Variants in ZNF587 observed in about 807,000 individuals in gnomAD.
ZNF587 encodes zinc finger protein 587, also known as zinc finger protein zfp6.
A neutral mutation model predicts 7.5 loss-of-function variants in ZNF587; 8 were observed. The observed-to-expected ratio is 1.06, with a 90% CI of 0.62 to 1.92. ZNF587 has a LOEUF of 1.92. Among genes scored for constraint, ZNF587 ranks in the 40% most tolerant of loss-of-function variants. The pLI, the probability that ZNF587 is intolerant of heterozygous loss-of-function variation, is 0.00. For missense variants in ZNF587, 468 were observed against 692.8 expected (o/e 0.68, Z 3.64); for synonymous variants, 145 against 237.8 (o/e 0.61, Z 3.59).
rs138941470 is a variant in ZNF587 at position 57,859,972 on chromosome 19, T to A, written c.1560T>A (p.Tyr520Ter). 6 of 1,614,034 alleles carry A rather than the reference T, an allele frequency of 3.7e-6. No individual in the cohort carries two copies. The East Asian group carries it at 1.3e-4, about 36-fold the overall frequency. ...HKRVHSGQKP[Y>*]KCSECGKSFS... The stretch of plus-strand genomic sequence containing the variant: ...GAGTTCATTCTGGACAAAAGCCTTA[T>A]AAGTGCAGTGAATGTGGAAAATCCT... Residue 520 changes from tyrosine to a stop codon, truncating the protein, a stop_gained, in exon 3 of 3, where the codon TAT becomes TAA. Coordinates refer to ENST00000339656, the MANE Select transcript of ZNF587 (RefSeq NM_032828.4). LOFTEE classifies it low-confidence loss of function (END_TRUNC).
At position 57,861,982 on chromosome 19, in the gene ZNF587, C is replaced by G. The variant is rs1168511619; in HGVS notation, c.*1842C>G. ...AGAGATGGGGTTTCACCATGTTACCCAGGCTGCTCTCTACCTTCTGAGCTC... is the reference window on the plus strand; with the variant it reads ...AGAGATGGGGTTTCACCATGTTACCGAGGCTGCTCTCTACCTTCTGAGCTC... On this transcript the variant is annotated 3_prime_UTR_variant, in exon 3 of 3. Transcript: ENST00000339656. 1 of 151,996 alleles carries G rather than the reference C, an allele frequency of 6.6e-6. No homozygotes were observed. Among genetic ancestry groups the G allele is most frequent in the African/African-American group, 2.4e-5 (1 of 41,366 alleles). 9.4% of individuals were successfully genotyped at this position (151,996 alleles called of 1,614,324 possible). A position where few individuals can be genotyped will look rare whatever the true frequency, so the allele number is the denominator to read the frequency against.
intron 1 of ZNF587, 193 bp downstream of exon 1, chr19:57,850,264 T>G: frequency 1.1e-6 from 1 of 894,666 alleles, no homozygotes; most frequent in Non-Finnish European, 1.7e-6. Flanking sequence ...AGCCGATTTA[T>G]GAAGACTGGG....
rs751870502 is a variant in ZNF587 at position 57,862,559 on chromosome 19, C to G, written c.*2419C>G. On this transcript the variant is annotated 3_prime_UTR_variant, in exon 3 of 3. Transcript: ENST00000339656. The stretch of plus-strand genomic sequence containing the variant: ...GCACTTTCTGCTGAAATGGCAGTTT[C>G]TTCTCAGCAAGGTGAGATTATGGAA... 9 of 154,932 alleles carry G rather than the reference C, an allele frequency of 5.8e-5. No individual in the cohort carries two copies. The East Asian group carries it at 1.3e-3, about 23-fold the overall frequency. 9.6% of individuals were successfully genotyped at this position (154,932 alleles called of 1,614,324 possible).
intron 1 of ZNF587, among the ~76,000 whole-genome samples, chr19:57,855,184 A>G (rs973301243): frequency 1.4e-5 from 2 of 142,438 alleles, no homozygotes; most frequent in African/African-American, 5.5e-5. Flanking sequence ...ACTCCGTCTC[A>G]AAAAAAAAAA....
intron 1 of ZNF587, chr19:57,850,756 G>C (rs1296203932): frequency 5.1e-6 from 2 of 394,086 alleles, no homozygotes; most frequent in Non-Finnish European, 8.9e-6. Flanking sequence ...CAGTTTATTG[G>C]TTTACAAGCT....
At chr19:57,852,685 G>T (rs191732659) in intron 1 of ZNF587, among the ~76,000 whole-genome samples, 4 of 151,762 alleles carry the variant, frequency 2.6e-5, no homozygotes, top group Non-Finnish European at 4.4e-5. Flanking sequence ...CCACCATCAT[G>T]CCCAGCTAAT....
chr19:57,854,630 G>C (rs1179363475), intron 1 of ZNF587, among the ~76,000 whole-genome samples: 2 of 151,670 alleles, frequency 1.3e-5, no homozygotes, highest in African/African-American at 4.9e-5. Context: ...GTTCCAGGTT[G>C]TTATATTTTG....
At chr19:57,856,447 A>T (rs1434410729) in intron 2 of ZNF587, among the ~76,000 whole-genome samples, 1 of 146,522 alleles carries the variant, frequency 6.8e-6, no homozygotes, top group African/African-American at 2.6e-5. Context: ...TCGCTCTGTC[A>T]CCCAGGCTGG....
intron 1 of ZNF587, chr19:57,852,383 C>T (rs1414406093): frequency 1.3e-5 from 5 of 398,486 alleles, no homozygotes; most frequent in African/African-American, 2.1e-5. Context: ...GACCTTGTTG[C>T]ATAGACTGTG....
intron 1 of ZNF587, among the ~76,000 whole-genome samples, chr19:57,852,691 C>G (rs1258448221): frequency 1.3e-5 from 2 of 151,902 alleles, no homozygotes; most frequent in Non-Finnish European, 2.9e-5. Flanking sequence ...TCATGCCCAG[C>G]TAATTTTTGT....
chr19:57,850,777 AT>A (rs2071271670), intron 1 of ZNF587: 1 of 390,464 alleles, frequency 2.6e-6, no homozygotes, highest in Admixed American at 4.4e-5. Flanking sequence ...CTTTGTTCTT[AT>A]GGCTGATTGG....
chr19:57,852,545 A>G (rs1165086404), intron 1 of ZNF587, among the ~76,000 whole-genome samples: 1 of 150,694 alleles, frequency 6.6e-6, no homozygotes, highest in Non-Finnish European at 1.5e-5. Flanking sequence ...TTTTTTCTTA[A>G]CGTGGAATTT....
At position 57,861,638 on chromosome 19, in the gene ZNF587, G is replaced by C. The variant is rs1420904086; in HGVS notation, c.*1498G>C. 6.6e-6 allele frequency: 1 copy of C among 152,076 alleles called. No homozygotes were observed. The highest frequency in any genetic ancestry group is 1.5e-5 in the Non-Finnish European group (1 of 68,032). The allele number at this position is 152,076 out of a possible 1,614,324, so 9.4% of individuals were successfully genotyped here. On this transcript the variant is annotated 3_prime_UTR_variant, in exon 3 of 3. Transcript: ENST00000339656. ...GCACCCTGCCTGGCCTCACCTGTAG[G>C]CTTGTTTTTTAAAATGAATTTTATC...
intron 1 of ZNF587, among the ~76,000 whole-genome samples, chr19:57,854,894 A>T (rs2071331885): frequency 6.6e-6 from 1 of 151,374 alleles, no homozygotes; most frequent in Admixed American, 6.6e-5. Context: ...AAAAAAATAC[A>T]GGCCAGGCAT....
Position 57,858,560 on chromosome 19 carries a change from A to G in ZNF587, c.164-16A>G. The G allele has an allele frequency of 6.2e-7, 1 of 1,603,988 alleles. No individual in the cohort carries two copies. The highest frequency in any genetic ancestry group is 8.5e-7 in the Non-Finnish European group (1 of 1,173,752). On this transcript the variant is annotated splice_polypyrimidine_tract_variant and intron_variant, in intron 2 of 2. Coordinates refer to ENST00000339656, the MANE Select transcript of ZNF587 (RefSeq NM_032828.4). ...CGGAGGTACTTTGCACTTGACCAGC[A>G]TTTTCTTGCTTTCAGGTTGTTGGTG...
chr19:57,858,309 T>A (rs2071391142), intron 2 of ZNF587: 1 of 502,196 alleles, frequency 2.0e-6, no homozygotes. Flanking sequence ...GTATTTTTAG[T>A]AGAGATGGGG....
chr19:57,856,057 T>A, intron 1 of ZNF587, 47 bp from the exon 2 acceptor site: 1 of 1,609,732 alleles, frequency 6.2e-7, no homozygotes, highest in Non-Finnish European at 8.5e-7. Flanking sequence ...TGGGTTGTGG[T>A]ACCTCAGCAG....
chr19:57,853,483 T>C lies in ZNF587; in HGVS notation c.34-2621T>C, dbSNP rs1215990954. Among the ~76,000 whole-genome samples the C allele has an allele frequency of 3.3e-5, 5 of 152,150 alleles. 1 individual carries two copies. In the East Asian group the frequency reaches 9.6e-4, roughly 29 times the overall value. On this transcript the variant is annotated intron_variant, in intron 1 of 2. Transcript: ENST00000339656. ...ATTTAGGAGGACATGCTTCAGATTA[T>C]GGTGGTAAATCTTTTCAGGGGGCAG...
chr19:57,860,388 C>T lies in ZNF587; in HGVS notation c.*248C>T. On this transcript the variant is annotated 3_prime_UTR_variant, in exon 3 of 3. Coordinates refer to ENST00000339656, the MANE Select transcript of ZNF587 (RefSeq NM_032828.4). ...GGTTCATGCAATCCTCCTACCTCAGCCTCCTGAGTAGCTGGGATTATGAGT... is the reference window on the plus strand; with the variant it reads ...GGTTCATGCAATCCTCCTACCTCAGTCTCCTGAGTAGCTGGGATTATGAGT... 3.3e-6 allele frequency: 2 copies of T among 611,400 alleles called. No homozygotes were observed. Among genetic ancestry groups the T allele is most frequent in the Non-Finnish European group, 5.6e-6 (2 of 356,270 alleles). 37.9% of individuals were successfully genotyped at this position (611,400 alleles called of 1,614,324 possible). A position where few individuals can be genotyped will look rare whatever the true frequency, so the allele number is the denominator to read the frequency against.
Sources: gnomAD v4.1 joint callset for allele counts (sites outside exome capture counted in the v4.1 genomes callset) on GRCh38, gnomAD v4.1.1 for gene constraint, MANE v1.5 for transcripts, NCBI Gene and HGNC (gene_info 2026-07-23, HGNC 2026-07-21) for gene names.